The following MYOM2 variants were observed in gnomAD, a reference collection of about 807,000 sequenced individuals.
MYOM2 encodes myomesin 2, also known as myomesin-2.
MYOM2 carries 254 observed loss-of-function variants against 187.6 expected under a neutral mutation model. That is an observed-to-expected ratio of 1.35 (90% CI 1.22 to 1.50). The LOEUF (loss-of-function observed/expected upper bound fraction) is 1.50, where lower values mean the gene tolerates loss of function less well. MYOM2 is among the 40% of genes most tolerant of loss of function. The pLI is 0.00. For synonymous variants in MYOM2, 981 were observed against 753.8 expected, an observed-to-expected ratio of 1.30 and a Z score of -4.94; for missense variants, 2,796 against 1,924.0, an observed-to-expected ratio of 1.45 and a Z score of -8.48.
At chr8:2,086,772 C>T (rs556421331) in intron 14 of MYOM2, among the ~76,000 whole-genome samples, 1 of 152,164 alleles carries the variant, frequency 6.6e-6, no homozygotes, top group Admixed American at 6.5e-5. Context: ...AGGGTTCTAG[C>T]GTCTCCTTCC....
chr8:2,048,416 T>C (rs1159372963), intron 1 of MYOM2, among the ~76,000 whole-genome samples: 1 of 152,264 alleles, frequency 6.6e-6, no homozygotes, highest in Non-Finnish European at 1.5e-5. Context: ...ATTAACTCAT[T>C]GGAAAATCCC....
intron 10 of MYOM2, 75 bp downstream of exon 10, chr8:2,073,575 G>A (rs1278098345): frequency 1.8e-5 from 27 of 1,484,884 alleles, no homozygotes; most frequent in Admixed American, 4.4e-5. Context: ...GGAGGAGGGA[G>A]GCGCTGGGAA....
At chr8:2,063,614 T>G (rs1473716784) in intron 6 of MYOM2, among the ~76,000 whole-genome samples, 1 of 152,172 alleles carries the variant, frequency 6.6e-6, no homozygotes, top group Non-Finnish European at 1.5e-5. Context: ...GGGTGAAACG[T>G]TTTTTGTACT....
Position 2,143,496 on chromosome 8 carries a change from C to T in MYOM2, c.4080+40C>T, listed in dbSNP as rs186361016. ...CTCGGCCGGGGTGGGGGTGTCAGCACGGTGCGATGGACGCAACCCCTTCTC... is the reference window on the plus strand; with the variant it reads ...CTCGGCCGGGGTGGGGGTGTCAGCATGGTGCGATGGACGCAACCCCTTCTC... On this transcript the variant is annotated intron_variant, in intron 36 of 36. Coordinates refer to ENST00000262113, the MANE Select transcript of MYOM2 (RefSeq NM_003970.4). 60 of 1,611,650 alleles carry T rather than the reference C, an allele frequency of 3.7e-5. 1 individual carries two copies. In the East Asian group the frequency reaches 7.6e-4, roughly 20 times the overall value.
At chr8:2,050,199 C>T (rs1434708434) in intron 1 of MYOM2, among the ~76,000 whole-genome samples, 2 of 152,124 alleles carry the variant, frequency 1.3e-5, no homozygotes, top group Non-Finnish European at 2.9e-5. Flanking sequence ...ATTCTCCTGC[C>T]CGACCTTTGC....
intron 25 of MYOM2, among the ~76,000 whole-genome samples, chr8:2,111,413 A>C (rs533981293): frequency 1.3e-5 from 2 of 152,356 alleles, no homozygotes; most frequent in African/African-American, 4.8e-5. Flanking sequence ...AAATGGAAAA[A>C]GCTGCTATAT....
chr8:2,100,666 G>T (rs554036056), intron 19 of MYOM2, among the ~76,000 whole-genome samples: 15 of 151,652 alleles, frequency 9.9e-5, no homozygotes, highest in Non-Finnish European at 1.0e-4. Context: ...CACGTAGGCT[G>T]GGCCCTCCTC....
At chr8:2,137,574 G>A (rs193048742) in intron 32 of MYOM2, among the ~76,000 whole-genome samples, 5 of 152,162 alleles carry the variant, frequency 3.3e-5, no homozygotes, top group Admixed American at 6.5e-5. Flanking sequence ...TTGTGTGTGT[G>A]TGTGTGTGCA....
At chr8:2,060,150 C>A (rs1459922510) in intron 6 of MYOM2, among the ~76,000 whole-genome samples, 1 of 152,120 alleles carries the variant, frequency 6.6e-6, no homozygotes, top group Admixed American at 6.6e-5. Flanking sequence ...CACAAGTCAG[C>A]TTTTTTCAGC....
Position 2,078,783 on chromosome 8 carries a change from A to G in MYOM2, c.1312A>G (p.Lys438Glu). 6.2e-7 allele frequency: 1 copy of G among 1,614,182 alleles called. No individual in the cohort carries two copies. Among genetic ancestry groups the G allele is most frequent in the Non-Finnish European group, 8.5e-7 (1 of 1,180,034 alleles). The stretch of plus-strand genomic sequence containing the variant: ...GGTGCAGTGCAATGATGCACCGGTG[A>G]AAATCTGCAAATACCCGGTCACAGG... ...NWVQCNDAPV[K>E]ICKYPVTGLF... The change falls in exon 12 of 37, where the codon AAA becomes GAA. Residue 438 changes from lysine (K) to glutamate (E), a missense_variant. Lys to Glu is a moderately conservative substitution (Grantham distance 56). Transcript: ENST00000262113.
chr8:2,049,080 T>A (rs751930854), intron 1 of MYOM2, among the ~76,000 whole-genome samples: 1 of 152,230 alleles, frequency 6.6e-6, no homozygotes, highest in Non-Finnish European at 1.5e-5. Context: ...TGTGAGCTAC[T>A]GCGCCCGGCT....
intron 28 of MYOM2, among the ~76,000 whole-genome samples, chr8:2,120,977 A>G (rs979556185): frequency 1.3e-5 from 2 of 151,878 alleles, no homozygotes; most frequent in Admixed American, 6.6e-5. Context: ...AAACATTTAT[A>G]AAAGAAGAGA....
intron 5 of MYOM2, 141 bp from the exon 6 acceptor site, chr8:2,059,012 C>A (rs1818764306): frequency 3.0e-6 from 2 of 660,962 alleles, no homozygotes; most frequent in Non-Finnish European, 5.2e-6. Context: ...GCCTCACCGT[C>A]AGGGCTCTGT....
At chr8:2,055,304 G>A (rs1002891028) in intron 3 of MYOM2, among the ~76,000 whole-genome samples, 4 of 152,162 alleles carry the variant, frequency 2.6e-5, no homozygotes, top group Non-Finnish European at 2.9e-5. Context: ...GGATGAGGAC[G>A]TATGAAAGAG....
chr8:2,104,338 C>T (rs973521513), intron 21 of MYOM2, among the ~76,000 whole-genome samples: 1 of 152,102 alleles, frequency 6.6e-6, no homozygotes, highest in Non-Finnish European at 1.5e-5. Flanking sequence ...TGTGGTGGCT[C>T]ACGCCTGTAA....
At chr8:2,051,447 T>C (rs3779865) in intron 2 of MYOM2, among the ~76,000 whole-genome samples, 57,113 of 151,922 alleles carry the variant, frequency 0.38, 11,127 homozygotes, top group East Asian at 0.63. Flanking sequence ...ATCTGCAATC[T>C]TAATGGGCTG....
chr8:2,144,793 A>C lies in MYOM2; in HGVS notation c.4210A>C (p.Thr1404Pro). The change falls in exon 37 of 37, where the codon ACC becomes CCC. Residue 1404 changes from threonine to proline, a missense_variant. Thr to Pro is a conservative substitution (Grantham distance 38). Coordinates refer to ENST00000262113, the MANE Select transcript of MYOM2 (RefSeq NM_003970.4). The part of the protein sequence containing the change: ...KVEQAKYVSM[T>P]IKGVTSEDSG... The stretch of plus-strand genomic sequence containing the variant: ...GGAGCAGGCCAAGTACGTCAGCATG[A>C]CCATCAAAGGCGTGACCTCCGAGGA... The C allele has an allele frequency of 6.2e-7, 1 of 1,614,194 alleles. No homozygotes were observed. The highest frequency in any genetic ancestry group is 8.5e-7 in the Non-Finnish European group (1 of 1,180,034).
rs778345982 is a variant in MYOM2 at position 2,052,281 on chromosome 8, G to T, written c.231G>T (p.Thr77=). The change falls in exon 3 of 37, where the codon ACG becomes ACT. Residue 77 remains threonine (T), a synonymous_variant. Coordinates refer to ENST00000262113, the MANE Select transcript of MYOM2 (RefSeq NM_003970.4). ...ICRVCAKRVS[T]QEDEEQENRS... ...GGGTCTGTGCGAAGCGAGTGAGCAC[G>T]CAGGAAGATGAGGAGCAGGAGAACA... The T allele has an allele frequency of 1.2e-6, 2 of 1,607,530 alleles. No homozygotes were observed. The highest frequency in any genetic ancestry group is 1.1e-5 in the South Asian group (1 of 89,876).
At chr8:2,105,148 AG>A (rs1043350912) in intron 21 of MYOM2, among the ~76,000 whole-genome samples, 1 of 152,078 alleles carries the variant, frequency 6.6e-6, no homozygotes, top group Non-Finnish European at 1.5e-5. Context: ...GTGAGTTTTG[AG>A]GGGATCATCC....
Sources: allele counts gnomAD v4.1 joint callset (sites outside exome capture counted in the v4.1 genomes callset), GRCh38; gene constraint gnomAD v4.1.1; transcripts MANE v1.5; gene names NCBI Gene and HGNC (gene_info 2026-07-23, HGNC 2026-07-21).